The following NR4A1 variants were observed in gnomAD, a reference collection of about 807,000 sequenced individuals.
NR4A1 encodes the protein nuclear receptor subfamily 4immunitygroup A member 1.
In NR4A1, 24 loss-of-function variants were observed where a neutral mutation model predicts 47.5. The observed-to-expected ratio is 0.50, with a 90% CI of 0.37 to 0.71. The LOEUF is 0.71. NR4A1 is among the 30% of genes least tolerant of loss of function. The pLI, the probability that NR4A1 is intolerant of heterozygous loss-of-function variation, is 0.00. For missense variants in NR4A1, 669 were observed against 788.6 expected, an observed-to-expected ratio of 0.85 and a Z score of 1.82; for synonymous variants, 353 against 345.7, an observed-to-expected ratio of 1.02 and a Z score of -0.24.
intron 2 of NR4A1, among the ~76,000 whole-genome samples, chr12:52,042,183 C>T (rs376069040): frequency 2.0e-5 from 3 of 152,024 alleles, no homozygotes; most frequent in East Asian, 3.9e-4. Flanking sequence ...CTAGGTGACA[C>T]GGGCTGGTGG....
At chr12:52,033,780 G>T (rs948036147) in intron 1 of NR4A1, among the ~76,000 whole-genome samples, 1 of 152,190 alleles carries the variant, frequency 6.6e-6, no homozygotes, top group East Asian at 1.9e-4. Flanking sequence ...GAGGTCGGGG[G>T]ACCCCGGCCA....
At chr12:52,037,209 G>A in intron 1 of NR4A1, 1 of 232,800 alleles carries the variant, frequency 4.3e-6, no homozygotes, top group South Asian at 1.4e-4. Flanking sequence ...CGCGCGGCCG[G>A]AACTGCGGGC....
At chr12:52,051,776 A>C (rs909408190) in intron 1 of NR4A1, among the ~76,000 whole-genome samples, 8 of 152,076 alleles carry the variant, frequency 5.3e-5, no homozygotes, top group African/African-American at 1.9e-4. Context: ...CTACCTGCAA[A>C]GTGGAAGCTG....
chr12:52,056,724 C>G, intron 4 of NR4A1, 79 bp downstream of exon 4: 2 of 1,422,222 alleles, frequency 1.4e-6, no homozygotes, highest in Non-Finnish European at 1.9e-6. Context: ...GAGAGCTACC[C>G]CCTCTGGAAG....
intron 1 of NR4A1, among the ~76,000 whole-genome samples, chr12:52,030,821 C>T (rs545800119): frequency 8.5e-5 from 13 of 152,186 alleles, no homozygotes; most frequent in Admixed American, 2.6e-4. Context: ...AAAAAGTCAT[C>T]GGCACAGAGT....
chr12:52,056,430 G>T lies in NR4A1; in HGVS notation c.1007-64G>T, dbSNP rs907202659. On this transcript the variant is annotated intron_variant, in intron 3 of 6. Transcript: ENST00000394825. ...GGCGCGTCTCAGCAGTGGTGTGCAC[G>T]GCTTGGGCTGAGAGGCCCTTCCTCA... 3.8e-6 allele frequency: 6 copies of T among 1,581,952 alleles called. No homozygotes were observed. In the South Asian group the frequency reaches 6.8e-5, roughly 18 times the overall value.
At chr12:52,028,733 G>A (rs957892093) in intron 1 of NR4A1, among the ~76,000 whole-genome samples, 2 of 151,678 alleles carry the variant, frequency 1.3e-5, no homozygotes, top group African/African-American at 4.8e-5. Flanking sequence ...GTGAAACCCC[G>A]TCTCTACTAA....
At chr12:52,025,615 A>G (rs1291157517) in intron 1 of NR4A1, among the ~76,000 whole-genome samples, 3 of 151,694 alleles carry the variant, frequency 2.0e-5, no homozygotes, top group African/African-American at 7.3e-5. Context: ...TCTTCATTGC[A>G]CTTCTCGTTA....
At chr12:52,052,692 G>A (rs945550958) in intron 1 of NR4A1, 17 of 980,562 alleles carry the variant, frequency 1.7e-5, no homozygotes, top group East Asian at 2.3e-4. Context: ...AAGGGGGAGG[G>A]ACTGATGGGG....
intron 3 of NR4A1, 153 bp downstream of exon 3, chr12:52,056,312 C>T: frequency 2.2e-6 from 3 of 1,359,010 alleles, no homozygotes; most frequent in South Asian, 1.4e-5. Context: ...GGGAGGCAGC[C>T]TACACCTGCC....
intron 1 of NR4A1, among the ~76,000 whole-genome samples, chr12:52,025,288 T>A (rs1271249184): frequency 6.6e-6 from 1 of 152,132 alleles, no homozygotes; most frequent in African/African-American, 2.4e-5. Flanking sequence ...CTCGAACTCC[T>A]GACCTCAGGT....
At chr12:52,024,127 T>C (rs1937951440) in intron 1 of NR4A1, among the ~76,000 whole-genome samples, 1 of 152,202 alleles carries the variant, frequency 6.6e-6, no homozygotes, top group Non-Finnish European at 1.5e-5. Flanking sequence ...AAGGACCCTT[T>C]GTAACCGCGA....
chr12:52,058,860 G>T lies in NR4A1; in HGVS notation c.1713G>T (p.Gln571His), dbSNP rs576308152. ...GGACCCTGTGCACCCAGGGCCTGCAGCGCATCTTCTACCTCAAGCTGGAGG... is the reference window on the plus strand; with the variant it reads ...GGACCCTGTGCACCCAGGGCCTGCATCGCATCTTCTACCTCAAGCTGGAGG... ...ELRTLCTQGL[Q>H]RIFYLKLEDL... The change falls in exon 7 of 7, where the codon CAG (glutamine) becomes CAT (histidine). Residue 571 changes from glutamine (Q) to histidine (H), a missense_variant. Gln to His is a conservative substitution (Grantham distance 24, BLOSUM62 0). Transcript: ENST00000394825. 6 of 1,614,116 alleles carry T rather than the reference G, an allele frequency of 3.7e-6. No homozygotes were observed. The highest frequency in any genetic ancestry group is 2.2e-5 in the South Asian group (2 of 91,092).
upstream of NR4A1, chr12:52,051,376 A>G: frequency 3.0e-6 from 3 of 985,282 alleles, no homozygotes; most frequent in Non-Finnish European, 3.6e-6. Flanking sequence ...GGCCTGCGTC[A>G]GTGGCGCCCC....
At chr12:52,029,732 T>G (rs61914048) in intron 1 of NR4A1, among the ~76,000 whole-genome samples, 12,500 of 152,026 alleles carry the variant, frequency 0.082, 563 homozygotes, top group African/African-American at 0.095. Context: ...ACCAGAGAGC[T>G]AAGGAATACC....
upstream of NR4A1, among the ~76,000 whole-genome samples, chr12:52,048,996 G>A (rs1938788868): frequency 6.6e-6 from 1 of 152,076 alleles, no homozygotes; most frequent in Admixed American, 6.5e-5. Flanking sequence ...TTCAACCAGT[G>A]GCCTTGAAGG....
At chr12:52,048,506 A>C (rs1466046174), upstream of NR4A1, among the ~76,000 whole-genome samples, 1 of 152,102 alleles carries the variant, frequency 6.6e-6, no homozygotes, top group Admixed American at 6.5e-5. Context: ...AGGCAGGAGA[A>C]TGGCGTGAAC....
chr12:52,023,661 C>A (rs1937935817), intron 1 of NR4A1, among the ~76,000 whole-genome samples: 1 of 152,110 alleles, frequency 6.6e-6, no homozygotes, highest in Admixed American at 6.5e-5. Context: ...GTGACCTCCC[C>A]TGCGGCTCCT....
At chr12:52,045,054 G>A (rs1313744700) in intron 2 of NR4A1, among the ~76,000 whole-genome samples, 1 of 152,194 alleles carries the variant, frequency 6.6e-6, no homozygotes, top group Non-Finnish European at 1.5e-5. Flanking sequence ...TAATTAACTA[G>A]CTCTCTCCAG....
Sources: allele counts gnomAD v4.1 joint callset (sites outside exome capture counted in the v4.1 genomes callset), GRCh38; gene constraint gnomAD v4.1.1; transcripts MANE v1.5; gene names NCBI Gene and HGNC (gene_info 2026-07-23, HGNC 2026-07-21).